GABRA5: variants seen among roughly 807,000 people sequenced by gnomAD.
GABRA5 encodes gamma-aminobutyric acid receptor subunit alpha-5.
A neutral mutation model predicts 47.3 loss-of-function variants in GABRA5; 18 were observed. That is an observed-to-expected ratio of 0.38 (90% CI 0.26 to 0.56). The LOEUF is 0.56. GABRA5 is among the 20% of genes least tolerant of loss of function. GABRA5 has a pLI of 0.71. For synonymous variants in GABRA5, 237 were observed against 229.3 expected, an observed-to-expected ratio of 1.03 and a Z score of -0.30; for missense variants, 365 against 599.3, an observed-to-expected ratio of 0.61 and a Z score of 4.08.
rs150679383 is a variant in GABRA5, at chr15:26,948,156, G to A, written c.1312G>A (p.Gly438Ser). 6.8e-6 allele frequency: 11 copies of A among 1,613,796 alleles called. No homozygotes were observed. The highest frequency in any genetic ancestry group is 1.7e-5 in the Admixed American group (1 of 59,992). The change falls in exon 11 of 11, where the codon GGC becomes AGC. Residue 438 changes from glycine to serine, a missense_variant. Gly to Ser is a moderately conservative substitution (Grantham distance 56, BLOSUM62 0). Coordinates refer to ENST00000335625, the MANE Select transcript of GABRA5 (RefSeq NM_000810.4). ...MSRIVFPVLF[G>S]TFNLVYWATY... ...CCGAATCGTATTCCCAGTCTTGTTCGGCACTTTCAACTTAGTTTACTGGGC... is the reference window on the plus strand; with the variant it reads ...CCGAATCGTATTCCCAGTCTTGTTCAGCACTTTCAACTTAGTTTACTGGGC...
rs1047667635 is a variant in GABRA5 at position 26,869,483 on chromosome 15, A to G, written c.86+149A>G. ...TCACTTGTTGTAAATAAATGAAGTCATTGCCCTGACCCACGCTTTCTTCCT... is the reference window on the plus strand; with the variant it reads ...TCACTTGTTGTAAATAAATGAAGTCGTTGCCCTGACCCACGCTTTCTTCCT... On this transcript the variant is annotated intron_variant, in intron 3 of 10. Transcript: ENST00000335625. The G allele has an allele frequency of 9.6e-6, 6 of 626,066 alleles. No individual in the cohort carries two copies. In the Admixed American group the frequency reaches 1.2e-4, roughly 13 times the overall value. 38.8% of individuals were successfully genotyped at this position (626,066 alleles called of 1,614,324 possible).
chr15:26,909,184 ATTCCTTGG>A (rs1274646031), intron 6 of GABRA5, among the ~76,000 whole-genome samples: 2 of 152,054 alleles, frequency 1.3e-5, no homozygotes, highest in Non-Finnish European at 2.9e-5. Context: ...GAGGGGCCAG[ATTCCTTGG>A]TTCATGGTCC....
At chr15:26,925,784 A>G (rs1015224178) in intron 7 of GABRA5, among the ~76,000 whole-genome samples, 3 of 152,010 alleles carry the variant, frequency 2.0e-5, no homozygotes, top group Admixed American at 2.0e-4. Context: ...TAAAGTGTTC[A>G]TTTTTATTTA....
At chr15:26,932,337 G>A (rs565792863) in intron 7 of GABRA5, among the ~76,000 whole-genome samples, 10 of 152,076 alleles carry the variant, frequency 6.6e-5, no homozygotes, top group African/African-American at 1.9e-4. Flanking sequence ...AAAAGAAGAC[G>A]TTTATGCAGC....
chr15:26,916,204 G>A (rs111932946), intron 7 of GABRA5, among the ~76,000 whole-genome samples: 17 of 152,106 alleles, frequency 1.1e-4, no homozygotes, highest in African/African-American at 3.4e-4. Flanking sequence ...TTTCCTTACT[G>A]TGACAATTAG....
intron 6 of GABRA5, among the ~76,000 whole-genome samples, chr15:26,890,292 T>C (rs1277392855): frequency 6.6e-6 from 1 of 152,176 alleles, no homozygotes; most frequent in Non-Finnish European, 1.5e-5. Context: ...GACCACCTAT[T>C]ACTTCCTCTC....
intron 6 of GABRA5, among the ~76,000 whole-genome samples, chr15:26,894,495 A>G (rs1893129828): frequency 6.6e-6 from 1 of 151,976 alleles, no homozygotes; most frequent in African/African-American, 2.4e-5. Context: ...ACAATTTGCG[A>G]TTTCCGTGGC....
intron 3 of GABRA5, among the ~76,000 whole-genome samples, chr15:26,879,914 C>T (rs528768141): frequency 4.6e-5 from 7 of 152,136 alleles, no homozygotes; most frequent in Non-Finnish European, 1.0e-4. Flanking sequence ...TTGGTAAGTC[C>T]CCTTGAAGCC....
rs527327855 is a variant in GABRA5, at chr15:26,912,292, C to T, written c.498-2511C>T. ...TTCTTAAGGAAATTCTAGATATTTTCAGATCATTGTGATTTTGTCCTCAAG... is the reference window on the plus strand; with the variant it reads ...TTCTTAAGGAAATTCTAGATATTTTTAGATCATTGTGATTTTGTCCTCAAG... On this transcript the variant is annotated intron_variant, in intron 6 of 10. Coordinates refer to ENST00000335625, the MANE Select transcript of GABRA5 (RefSeq NM_000810.4). Among the ~76,000 whole-genome samples the T allele has an allele frequency of 2.6e-5, 4 of 152,324 alleles. No homozygotes were observed. The South Asian group carries it at 8.3e-4, about 32-fold the overall frequency.
chr15:26,946,863 A>G (rs1894524249), intron 10 of GABRA5, among the ~76,000 whole-genome samples: 1 of 152,244 alleles, frequency 6.6e-6, no homozygotes. Flanking sequence ...AAGATTAGAA[A>G]GCCCAGGTGT....
intron 6 of GABRA5, among the ~76,000 whole-genome samples, chr15:26,885,151 T>C (rs1892844797): frequency 6.6e-6 from 1 of 151,748 alleles, no homozygotes; most frequent in South Asian, 2.1e-4. Context: ...TACAAAAAAT[T>C]AGCCGGGCGT....
chr15:26,913,837 G>A (rs1333636518), intron 6 of GABRA5, among the ~76,000 whole-genome samples: 2 of 152,122 alleles, frequency 1.3e-5, no homozygotes, highest in Non-Finnish European at 2.9e-5. Context: ...TGCCTATGCC[G>A]CCTGTGGTGG....
At chr15:26,940,564 C>T (rs950365106) in intron 9 of GABRA5, among the ~76,000 whole-genome samples, 3 of 152,050 alleles carry the variant, frequency 2.0e-5, no homozygotes, top group African/African-American at 4.8e-5. Context: ...GATTCTGTAG[C>T]GTTTCAGGTT....
At chr15:26,939,097 A>G in intron 8 of GABRA5, 1 of 677,174 alleles carries the variant, frequency 1.5e-6, no homozygotes, top group Admixed American at 2.2e-5. Flanking sequence ...CAATTCAGCC[A>G]AAGTTTTTTG....
intron 10 of GABRA5, among the ~76,000 whole-genome samples, chr15:26,943,948 C>G (rs561438920): frequency 6.6e-6 from 1 of 152,272 alleles, no homozygotes; most frequent in South Asian, 2.1e-4. Context: ...GATTTATGCC[C>G]AAACATTTGA....
chr15:26,903,163 A>G (rs895467014), intron 6 of GABRA5, among the ~76,000 whole-genome samples: 1 of 152,000 alleles, frequency 6.6e-6, no homozygotes, highest in African/African-American at 2.4e-5. Flanking sequence ...CATTGCATCC[A>G]TGTGTTCTCA....
intron 3 of GABRA5, among the ~76,000 whole-genome samples, chr15:26,875,204 C>T (rs1171668815): frequency 1.3e-5 from 2 of 152,212 alleles, no homozygotes; most frequent in African/African-American, 2.4e-5. Flanking sequence ...GTCCAGGAGA[C>T]TCCTGGGGTT....
chr15:26,889,385 C>G (rs1479368942), intron 6 of GABRA5, among the ~76,000 whole-genome samples: 1 of 143,964 alleles, frequency 6.9e-6, no homozygotes, highest in Non-Finnish European at 1.5e-5. Context: ...TTTTTTTTTT[C>G]TGGTTGGTTG....
At chr15:26,934,783 TG>T (rs946225073) in intron 7 of GABRA5, among the ~76,000 whole-genome samples, 1 of 152,128 alleles carries the variant, frequency 6.6e-6, no homozygotes, top group Non-Finnish European at 1.5e-5. Context: ...AGAAGACCCA[TG>T]GTTTCTGAAA....
Sources: allele counts gnomAD v4.1 joint callset (sites outside exome capture counted in the v4.1 genomes callset), GRCh38; gene constraint gnomAD v4.1.1; transcripts MANE v1.5; gene names NCBI Gene and HGNC (gene_info 2026-07-23, HGNC 2026-07-21).